Variants in GOLIM4 observed in about 807,000 individuals in gnomAD.
GOLIM4 encodes the protein 130 kDa golgi-localized phosphoprotein.
GOLIM4 carries 71 observed loss-of-function variants against 107.4 expected under a neutral mutation model. The observed-to-expected ratio is 0.66, with a 90% confidence interval of 0.55 to 0.81. GOLIM4 has a LOEUF of 0.81. Among genes scored for constraint, GOLIM4 ranks in the 30% least tolerant of loss-of-function variants. The pLI is 0.00. For missense variants in GOLIM4, 830 were observed against 826.1 expected (o/e 1.00, Z -0.06); for synonymous variants, 327 against 294.8 (o/e 1.11, Z -1.12).
At chr3:168,037,325 T>C (rs183673968) in intron 7 of GOLIM4, among the ~76,000 whole-genome samples, 14 of 152,256 alleles carry the variant, frequency 9.2e-5, no homozygotes, top group African/African-American at 3.1e-4. Flanking sequence ...TTTATCATAT[T>C]AAAAAATCCA....
intron 8 of GOLIM4, 107 bp from the exon 9 acceptor site, chr3:168,032,959 T>C: frequency 1.2e-6 from 1 of 816,290 alleles, no homozygotes; most frequent in South Asian, 1.7e-5. Context: ...CAGAAGAAGG[T>C]GTCTAGAAAT....
intron 1 of GOLIM4, among the ~76,000 whole-genome samples, chr3:168,051,852 T>C (rs1719667847): frequency 6.6e-6 from 1 of 152,278 alleles, no homozygotes; most frequent in African/African-American, 2.4e-5. Flanking sequence ...GGAGAAGGGT[T>C]GTTCTTCACC....
intron 1 of GOLIM4, among the ~76,000 whole-genome samples, chr3:168,079,136 G>T (rs1721214706): frequency 6.6e-6 from 1 of 152,104 alleles, no homozygotes. Flanking sequence ...TTAAAAAAAA[G>T]AGTTAAAAGA....
At position 168,095,697 on chromosome 3, in the gene GOLIM4, C is replaced by T. The variant is rs1347629038; in HGVS notation, c.-412G>A. On this transcript the variant is annotated 5_prime_UTR_variant, in exon 1 of 16. Coordinates refer to ENST00000470487, the MANE Select transcript of GOLIM4 (RefSeq NM_014498.5). ...CACTCCCCGCCCTATCGCGGCGGCT[C>T]CCACTGCACGACTTTGTTGCCACCT... The T allele has an allele frequency of 1.1e-5, 2 of 182,738 alleles. No individual in the cohort carries two copies. Among genetic ancestry groups the T allele is most frequent in the Non-Finnish European group, 1.1e-5 (1 of 88,496 alleles). 11.3% of individuals were successfully genotyped at this position (182,738 alleles called of 1,614,324 possible).
intron 1 of GOLIM4, among the ~76,000 whole-genome samples, chr3:168,053,727 C>T (rs1719780389): frequency 6.6e-6 from 1 of 152,156 alleles, no homozygotes; most frequent in South Asian, 2.1e-4. Context: ...GGGGTGGAAG[C>T]CAGCCACCTG....
intron 1 of GOLIM4, among the ~76,000 whole-genome samples, chr3:168,083,193 A>G (rs1003029024): frequency 6.6e-6 from 1 of 152,202 alleles, no homozygotes; most frequent in African/African-American, 2.4e-5. Context: ...TGACTTTCAA[A>G]GTAGGAGTGA....
chr3:168,013,530 C>A (rs1717183969), intron 14 of GOLIM4, among the ~76,000 whole-genome samples: 1 of 138,606 alleles, frequency 7.2e-6, no homozygotes, highest in Non-Finnish European at 1.5e-5. Flanking sequence ...CAGCTCTGCA[C>A]CAAGCGAACC....
rs1718083941 is a variant in GOLIM4, at chr3:168,027,816, T to C, written c.1535A>G (p.His512Arg). 1 of 1,612,048 alleles carries C rather than the reference T, an allele frequency of 6.2e-7. No individual in the cohort carries two copies. The highest frequency in any genetic ancestry group is 8.5e-7 in the Non-Finnish European group (1 of 1,178,276). Residue 512 changes from histidine to arginine, a missense_variant, in exon 12 of 16, where the codon CAC (histidine) becomes CGC (arginine). His to Arg is a conservative substitution (Grantham distance 29). Coordinates refer to ENST00000470487, the MANE Select transcript of GOLIM4 (RefSeq NM_014498.5). ...TGGATCTCCTTCTGCTTCATCTTGGTGCTGGTTGTCTCTTTCATAGGCTAG... is the reference window on the plus strand; with the variant it reads ...TGGATCTCCTTCTGCTTCATCTTGGCGCTGGTTGTCTCTTTCATAGGCTAG... ...EEGAYERDNQ[H>R]QDEAEGDPGN...
At chr3:168,061,277 C>T (rs1196296807) in intron 1 of GOLIM4, among the ~76,000 whole-genome samples, 1 of 152,082 alleles carries the variant, frequency 6.6e-6, no homozygotes, top group East Asian at 1.9e-4. Flanking sequence ...TGCAGTACTA[C>T]CATTCTCCCA....
intron 11 of GOLIM4, among the ~76,000 whole-genome samples, chr3:168,028,880 T>C (rs951377827): frequency 6.6e-6 from 1 of 152,208 alleles, no homozygotes; most frequent in Non-Finnish European, 1.5e-5. Context: ...TTTGAAAACA[T>C]TTTAAGGCAA....
Position 168,010,219 on chromosome 3 carries a change from C to A in GOLIM4, c.*50G>T, listed in dbSNP as rs775756921. On this transcript the variant is annotated 3_prime_UTR_variant, in exon 16 of 16. Coordinates refer to ENST00000470487, the MANE Select transcript of GOLIM4 (RefSeq NM_014498.5). ...TTCAGTAGGCAGATTTATGTTTGAG[C>A]AGCTTGAAAAGAATCCGTTGGCTGA... is the stretch of plus-strand genomic sequence containing the variant. 2.0e-5 allele frequency: 31 copies of A among 1,528,222 alleles called. No individual in the cohort carries two copies. In the Middle Eastern group the frequency reaches 6.9e-4, roughly 34 times the overall value. 94.7% of individuals were successfully genotyped at this position (1,528,222 alleles called of 1,614,324 possible). A position where few individuals can be genotyped will look rare whatever the true frequency, so the allele number is the denominator to read the frequency against.
chr3:168,077,330 G>A (rs868082798), intron 1 of GOLIM4, among the ~76,000 whole-genome samples: 2 of 152,184 alleles, frequency 1.3e-5, no homozygotes, highest in Admixed American at 6.5e-5. Flanking sequence ...AAATAATGGT[G>A]TGCCTGTTCC....
chr3:168,048,504 C>A, intron 1 of GOLIM4, 139 bp from the exon 2 acceptor site: 1 of 577,170 alleles, frequency 1.7e-6, no homozygotes, highest in Admixed American at 3.2e-5. Context: ...TTAAGTTCCC[C>A]TTTCCAGGTA....
In GOLIM4 at chr3:168,029,227, T is replaced by C. The variant is rs781728022; in HGVS notation, c.1509A>G (p.Glu503=). ...GAEDQGIQGE[E]GAYERDNQHQ... is the part of the protein sequence containing the mutation. ...TCATCTAGGAAGTCTCACCACCTCC[T>C]TCCTCTCCTTGGATTCCCTGGTCCT... Residue 503 remains glutamate, a synonymous_variant, in exon 11 of 16, where the codon GAA becomes GAG. Coordinates refer to ENST00000470487, the MANE Select transcript of GOLIM4 (RefSeq NM_014498.5). The C allele has an allele frequency of 1.9e-6, 3 of 1,593,690 alleles. No homozygotes were observed. In the South Asian group the frequency reaches 3.3e-5, roughly 18 times the overall value.
intron 1 of GOLIM4, among the ~76,000 whole-genome samples, chr3:168,094,782 C>T (rs1399829082): frequency 1.3e-5 from 2 of 152,204 alleles, no homozygotes; most frequent in Non-Finnish European, 2.9e-5. Context: ...AGTTTCCCTG[C>T]CCCGATTGCA....
At chr3:168,073,576 C>T (rs1720936549) in intron 1 of GOLIM4, among the ~76,000 whole-genome samples, 1 of 152,014 alleles carries the variant, frequency 6.6e-6, no homozygotes, top group African/African-American at 2.4e-5. Flanking sequence ...CTTACAATCG[C>T]ATGGTGGAAG....
chr3:168,028,244 A>C lies in GOLIM4; in HGVS notation c.1514-407T>G, dbSNP rs948889804. 8.3e-4 allele frequency among the ~76,000 whole-genome samples: 127 copies of C among 152,188 alleles called. 1 individual carries two copies. Among genetic ancestry groups the C allele is most frequent in the Non-Finnish European group, 1.2e-4 (8 of 68,034 alleles). On this transcript the variant is annotated intron_variant, in intron 11 of 15. Transcript: ENST00000470487. ...AGAAATTGATAGTTTCAGGAAATGC[A>C]AGGAAGAACTGCCCCATCTGTGGAG...
chr3:168,040,007 T>C (rs1336748752), intron 7 of GOLIM4, among the ~76,000 whole-genome samples: 2 of 152,142 alleles, frequency 1.3e-5, no homozygotes, highest in African/African-American at 4.8e-5. Flanking sequence ...AAAACCAACA[T>C]GGGTTTCCTG....
intron 5 of GOLIM4, among the ~76,000 whole-genome samples, chr3:168,042,932 G>C (rs2108245885): frequency 6.6e-6 from 1 of 152,314 alleles, no homozygotes; most frequent in African/African-American, 2.4e-5. Flanking sequence ...TCTGACTATA[G>C]AACTTGAGCT....
Sources: gnomAD v4.1 joint callset for allele counts (sites outside exome capture counted in the v4.1 genomes callset) on GRCh38, gnomAD v4.1.1 for gene constraint, MANE v1.5 for transcripts, NCBI Gene and HGNC (gene_info 2026-07-23, HGNC 2026-07-21) for gene names.